KDM2B: variants seen among roughly 807,000 people sequenced by gnomAD.
The protein encoded by KDM2B is lysine demethylase 2B.
In KDM2B, 26 loss-of-function variants were observed where a neutral mutation model predicts 150.0. The ratio of observed to expected loss-of-function variants is 0.17; its 90% CI spans 0.13 to 0.24. KDM2B has a LOEUF of 0.24. Among genes scored for constraint, KDM2B ranks in the 10% least tolerant of loss-of-function variants. The pLI is 1.00. For missense variants in KDM2B, 1,265 were observed against 1,816.9 expected (o/e 0.70, Z 5.52); for synonymous variants, 734 against 729.5 (o/e 1.01, Z -0.10).
chr12:121,553,188 G>A (rs1488093659), intron 4 of KDM2B, among the ~76,000 whole-genome samples: 10 of 151,446 alleles, frequency 6.6e-5, no homozygotes, highest in Non-Finnish European at 1.2e-4. Context: ...CCGAGATCGC[G>A]CCACTGCACT....
chr12:121,546,065 C>T (rs1427272004), intron 6 of KDM2B, among the ~76,000 whole-genome samples: 1 of 152,158 alleles, frequency 6.6e-6, no homozygotes, highest in African/African-American at 2.4e-5. Flanking sequence ...TGGGCCTCAT[C>T]GCAGCTGCAA....
intron 2 of KDM2B, among the ~76,000 whole-genome samples, chr12:121,576,982 G>A (rs1891539752): frequency 6.6e-6 from 1 of 152,154 alleles, no homozygotes; most frequent in African/African-American, 2.4e-5. Flanking sequence ...AGATCCCCAG[G>A]GGCTCACAGT....
intron 12 of KDM2B, among the ~76,000 whole-genome samples, chr12:121,491,323 G>A (rs968046370): frequency 1.3e-5 from 2 of 152,192 alleles, no homozygotes; most frequent in Non-Finnish European, 2.9e-5. Flanking sequence ...GAAGGGTAAA[G>A]TCAAATAGAC....
At chr12:121,539,326 CAAAAAAAAAA>C (rs60048517) in intron 6 of KDM2B, among the ~76,000 whole-genome samples, 237 of 58,606 alleles carry the variant, frequency 4.0e-3, no homozygotes, top group Admixed American at 8.1e-3. Flanking sequence ...GACCCTCTCC[CAAAAAAAAAA>C]AAAAAAAAAA....
At chr12:121,416,190 G>A in the KDM2B span, 2 of 1,613,970 alleles carry the variant, frequency 1.2e-6, no homozygotes, top group Non-Finnish European at 1.7e-6. Context: ...GCTTCGTGCT[G>A]TGGGCTGCTG....
At chr12:121,540,620 T>C (rs1234628492) in intron 6 of KDM2B, among the ~76,000 whole-genome samples, 1 of 151,458 alleles carries the variant, frequency 6.6e-6, no homozygotes, top group East Asian at 1.9e-4. Flanking sequence ...GGGTGTGGTG[T>C]TGCATGCCTG....
chr12:121,430,976 C>T lies in KDM2B; in HGVS notation c.3830-507G>A, dbSNP rs375862941. The stretch of plus-strand genomic sequence containing the variant: ...TGGGATCATTTTTGCTTTTGCAGGC[C>T]GCAGTGCTTTGGAGCAATTCACAGC... On this transcript the variant is annotated intron_variant, in intron 22 of 22. Transcript: ENST00000377071. The surrounding 1 kb of genome is among the most constrained non-coding windows in gnomAD (Gnocchi z 4.4). Among the ~76,000 whole-genome samples, 6 of 152,120 alleles carry T rather than the reference C, an allele frequency of 3.9e-5. No individual in the cohort carries two copies. Among genetic ancestry groups the T allele is most frequent in the Non-Finnish European group, 8.8e-5 (6 of 68,020 alleles).
rs1555291923 is a variant in KDM2B, at chr12:121,452,928, G to A, written c.1959+192C>T. 6.6e-6 allele frequency among the ~76,000 whole-genome samples: 1 copy of A among 152,178 alleles called. No homozygotes were observed. Among genetic ancestry groups the A allele is most frequent in the Non-Finnish European group, 1.5e-5 (1 of 68,018 alleles). On this transcript the variant is annotated intron_variant, in intron 13 of 22. Coordinates refer to ENST00000377071, the MANE Select transcript of KDM2B (RefSeq NM_032590.5). This position sits in a 1 kb window ranked among gnomAD's most constrained non-coding sequence, Gnocchi z 4.4. ...ACTTCAAAGTACCTGAGCACCCTGG[G>A]AGGGAAGGAGCAGGAGGCCTGAGCC... is the stretch of plus-strand genomic sequence containing the variant.
chr12:121,486,925 A>G (rs1396616751), intron 12 of KDM2B, among the ~76,000 whole-genome samples: 2 of 152,076 alleles, frequency 1.3e-5, no homozygotes, highest in Non-Finnish European at 2.9e-5. Context: ...GTGAACTATG[A>G]TTGAGCCACT....
chr12:121,446,488 T>C (rs782819351), intron 13 of KDM2B, among the ~76,000 whole-genome samples: 2 of 152,234 alleles, frequency 1.3e-5, no homozygotes, highest in Non-Finnish European at 2.9e-5. Flanking sequence ...CACATCCTTT[T>C]CATGTGCTTT....
intron 6 of KDM2B, among the ~76,000 whole-genome samples, chr12:121,535,642 GAGA>G (rs1888026831): frequency 6.6e-6 from 1 of 152,224 alleles, no homozygotes; most frequent in African/African-American, 2.4e-5. Flanking sequence ...CACAGAGGAA[GAGA>G]AGGAGGAGGA....
At chr12:121,444,824 T>C in intron 14 of KDM2B, 2 of 511,914 alleles carry the variant, frequency 3.9e-6, no homozygotes, top group Non-Finnish European at 3.6e-6. Context: ...AGTGTGCCCA[T>C]CTCACTGGGG....
the KDM2B span, among the ~76,000 whole-genome samples, chr12:121,413,918 G>A: frequency 2.6e-5 from 4 of 152,104 alleles, no homozygotes; most frequent in African/African-American, 9.6e-5. Context: ...AGAATTATAG[G>A]GTGTGAAGAC....
chr12:121,579,771 C>A (rs1228771918), intron 1 of KDM2B: 46 of 1,379,614 alleles, frequency 3.3e-5, no homozygotes, highest in Non-Finnish European at 4.2e-5. Flanking sequence ...GCTCAGCCCC[C>A]CTCCACGCCT....
Position 121,442,065 on chromosome 12 carries a change from G to A in KDM2B, c.3284+92C>T. 9.3e-7 allele frequency: 1 copy of A among 1,073,062 alleles called. No homozygotes were observed. Among genetic ancestry groups the A allele is most frequent in the Non-Finnish European group, 1.4e-6 (1 of 712,122 alleles). 66.5% of individuals were successfully genotyped at this position (1,073,062 alleles called of 1,614,324 possible). On this transcript the variant is annotated intron_variant, in intron 19 of 22. Transcript: ENST00000377071. The surrounding 1 kb of genome is among the most constrained non-coding windows in gnomAD (Gnocchi z 7.7). ...AATGAAGCCATACTGGGGTTTGGAA[G>A]GAAAGAGCATCGCCAGCGACTCCAC...
At chr12:121,437,162 G>T (rs1377966574) in intron 22 of KDM2B, among the ~76,000 whole-genome samples, 2 of 152,096 alleles carry the variant, frequency 1.3e-5, no homozygotes, top group African/African-American at 2.4e-5. Flanking sequence ...GGGAGGAAAA[G>T]AAGTCAGGAG....
rs782311830 is a variant in KDM2B at position 121,442,291 on chromosome 12, G to A, written c.3150C>T (p.Pro1050=). The change falls in exon 19 of 23, where the codon CCC becomes CCT. Residue 1050 remains proline (P), a synonymous_variant. Transcript: ENST00000377071. This position sits in a 1 kb window ranked among gnomAD's most constrained non-coding sequence, Gnocchi z 7.7. ...CGTCCAGGGGTAGCGAGTCAGGCGG[G>A]GGGCTGATGGGGGGTGGCCGGATCA... The part of the protein sequence containing the change: ...RHVIRPPPIS[P]PPDSLPLDDG... The A allele has an allele frequency of 6.2e-7, 1 of 1,611,412 alleles. No homozygotes were observed. Among genetic ancestry groups the A allele is most frequent in the South Asian group, 1.1e-5 (1 of 90,956 alleles).
intron 4 of KDM2B, among the ~76,000 whole-genome samples, chr12:121,558,543 T>C (rs1890079686): frequency 6.7e-6 from 1 of 148,492 alleles, no homozygotes; most frequent in Admixed American, 6.9e-5. Flanking sequence ...AGCCTCCGCC[T>C]CTTGGGTTCA....
chr12:121,481,419 C>T (rs1161290182), intron 12 of KDM2B, among the ~76,000 whole-genome samples: 1 of 152,072 alleles, frequency 6.6e-6, no homozygotes, highest in African/African-American at 2.4e-5. Flanking sequence ...CCTGTCTAAA[C>T]CCAACCTTGT....
Sources: allele counts gnomAD v4.1 joint callset (sites outside exome capture counted in the v4.1 genomes callset), GRCh38; gene constraint gnomAD v4.1.1; non-coding constraint Gnocchi (gnomAD v3.1); transcripts MANE v1.5; gene names NCBI Gene and HGNC (gene_info 2026-07-23, HGNC 2026-07-21).